The following MBNL2 variants were observed in gnomAD, a reference collection of about 807,000 sequenced individuals.
MBNL2 encodes the protein muscleblind-like protein 2.
In MBNL2, 17 loss-of-function variants were observed where a neutral mutation model predicts 41.9. The observed-to-expected ratio is 0.41, with a 90% CI of 0.28 to 0.61. The LOEUF (loss-of-function observed/expected upper bound fraction) is 0.61, where lower values mean the gene tolerates loss of function less well. Ranked by LOEUF, MBNL2 falls within the 20% of genes least tolerant of loss-of-function variation. The pLI is 0.35. For synonymous variants in MBNL2, 195 were observed against 182.9 expected (o/e 1.07, Z -0.53); for missense variants, 336 against 505.6 (o/e 0.66, Z 3.22).
At chr13:97,183,856 A>T in the MBNL2 span, among the ~76,000 whole-genome samples, 1 of 152,202 alleles carries the variant, frequency 6.6e-6, no homozygotes, top group African/African-American at 2.4e-5. Flanking sequence ...TTCCATAAAC[A>T]TGCTTCCAGG....
At position 97,346,764 on chromosome 13, in the gene MBNL2, A is replaced by C. The variant is rs760243211; in HGVS notation, c.541-40A>C. 1.2e-5 allele frequency: 19 copies of C among 1,591,986 alleles called. No individual in the cohort carries two copies. The highest frequency in any genetic ancestry group is 1.6e-5 in the Non-Finnish European group (19 of 1,166,464). On this transcript the variant is annotated intron_variant, in intron 4 of 8. Coordinates refer to ENST00000679496, the MANE Select transcript of MBNL2 (RefSeq NM_001382683.1). The surrounding 1 kb of genome is among the most constrained non-coding windows in gnomAD (Gnocchi z 4.2). Reference sequence around the variant, plus strand: ...CGGGGCCGCAGGGGCGCCTGGGCTCAGGCTTGCCTCTGCAGCGCGGCTCTT... The same window carrying C: ...CGGGGCCGCAGGGGCGCCTGGGCTCCGGCTTGCCTCTGCAGCGCGGCTCTT...
At chr13:97,377,267 C>T (rs1170642619) in intron 8 of MBNL2, among the ~76,000 whole-genome samples, 1 of 152,174 alleles carries the variant, frequency 6.6e-6, no homozygotes, top group African/African-American at 2.4e-5. Flanking sequence ...TTAGAACTTT[C>T]CAGAAGCTCC....
intron 2 of MBNL2, among the ~76,000 whole-genome samples, chr13:97,284,360 T>TCATG (rs906710005): frequency 6.6e-6 from 1 of 152,152 alleles, no homozygotes; most frequent in African/African-American, 2.4e-5. Context: ...GTTCCTTGGC[T>TCATG]CATGGCAGCA....
In MBNL2 at chr13:97,240,626, C is replaced by T. The variant is rs566339824; in HGVS notation, c.-605+18095C>T. Reference sequence around the variant, plus strand: ...TATCCCTCACAAAGATCCCATTGTTCTTTTAGCAAAATGCAAGAAGGCTTT... The same window carrying T: ...TATCCCTCACAAAGATCCCATTGTTTTTTTAGCAAAATGCAAGAAGGCTTT... On this transcript the variant is annotated intron_variant, in intron 1 of 8. Transcript: ENST00000679496. Among the ~76,000 whole-genome samples the T allele has an allele frequency of 1.2e-3, 179 of 152,238 alleles. 1 individual carries two copies. The highest frequency in any genetic ancestry group is 3.6e-3 in the African/African-American group (149 of 41,536).
intron 2 of MBNL2, among the ~76,000 whole-genome samples, chr13:97,304,609 T>G (rs1441190097): frequency 6.6e-6 from 1 of 152,196 alleles, no homozygotes; most frequent in East Asian, 1.9e-4. Flanking sequence ...ATCTGTCATT[T>G]ATAAGCCAGA....
chr13:97,288,171 A>T (rs1194051284), intron 2 of MBNL2, among the ~76,000 whole-genome samples: 8 of 148,630 alleles, frequency 5.4e-5, no homozygotes, highest in Admixed American at 4.7e-4. Context: ...TAAACGGGCA[A>T]CTCTGTCAGT....
At chr13:97,210,523 T>A in the MBNL2 span, among the ~76,000 whole-genome samples, 1 of 149,342 alleles carries the variant, frequency 6.7e-6, no homozygotes, top group Non-Finnish European at 1.5e-5. Flanking sequence ...ATATACAAAT[T>A]TTATAACTAT....
At chr13:97,249,706 T>C (rs2046153812) in intron 1 of MBNL2, among the ~76,000 whole-genome samples, 1 of 152,212 alleles carries the variant, frequency 6.6e-6, no homozygotes, top group Non-Finnish European at 1.5e-5. Flanking sequence ...AAGTGCGAGC[T>C]TTAGGAGCCG....
At chr13:97,270,869 T>A (rs574007550) in intron 1 of MBNL2, among the ~76,000 whole-genome samples, 1 of 152,180 alleles carries the variant, frequency 6.6e-6, no homozygotes, top group Non-Finnish European at 1.5e-5. Flanking sequence ...AGTGGCTCTC[T>A]CCCTTTTCCC....
intron 2 of MBNL2, among the ~76,000 whole-genome samples, chr13:97,328,911 A>G (rs1234574474): frequency 1.3e-5 from 2 of 152,226 alleles, no homozygotes; most frequent in Non-Finnish European, 2.9e-5. Context: ...ATAAGCCATT[A>G]GGAAATCTCA....
At chr13:97,272,483 T>C (rs1338637593) in intron 1 of MBNL2, among the ~76,000 whole-genome samples, 1 of 152,198 alleles carries the variant, frequency 6.6e-6, no homozygotes, top group Non-Finnish European at 1.5e-5. Context: ...ATTTTGGCTT[T>C]TGTTGCAATT....
intron 1 of MBNL2, among the ~76,000 whole-genome samples, chr13:97,235,208 CTCTG>C (rs146363153): frequency 1.4e-3 from 210 of 152,216 alleles, no homozygotes; most frequent in African/African-American, 4.9e-3. Flanking sequence ...CTATCACAAA[CTCTG>C]TCTTTTTTTT....
the MBNL2 span, among the ~76,000 whole-genome samples, chr13:97,165,875 C>T: frequency 6.6e-6 from 1 of 152,206 alleles, no homozygotes; most frequent in African/African-American, 2.4e-5. Flanking sequence ...TGCAGAATCT[C>T]CTCTGTATAT....
At chr13:97,242,291 C>G (rs530350330) in intron 1 of MBNL2, among the ~76,000 whole-genome samples, 2 of 152,268 alleles carry the variant, frequency 1.3e-5, no homozygotes, top group South Asian at 2.1e-4. Context: ...ATATGTTGCT[C>G]TCTTCATAGC....
At chr13:97,193,323 G>T in the MBNL2 span, among the ~76,000 whole-genome samples, 1 of 152,230 alleles carries the variant, frequency 6.6e-6, no homozygotes, top group Non-Finnish European at 1.5e-5. Context: ...AGTTGATGGG[G>T]CCCAAGGGCC....
At chr13:97,234,511 G>A (rs1381830243) in intron 1 of MBNL2, among the ~76,000 whole-genome samples, 2 of 152,128 alleles carry the variant, frequency 1.3e-5, no homozygotes, top group Non-Finnish European at 2.9e-5. Context: ...GCGGGGGGTA[G>A]TGAATAGATG....
chr13:97,270,130 C>T (rs1432129969), intron 1 of MBNL2, among the ~76,000 whole-genome samples: 2 of 152,108 alleles, frequency 1.3e-5, no homozygotes, highest in Non-Finnish European at 2.9e-5. Context: ...GTTCTTAGGA[C>T]TTTCTATCAC....
chr13:97,167,460 C>G, the MBNL2 span, among the ~76,000 whole-genome samples: 16 of 151,152 alleles, frequency 1.1e-4, no homozygotes, highest in African/African-American at 3.6e-4. Flanking sequence ...ATAGGAAAAC[C>G]TAGAAAGTAA....
chr13:97,181,805 C>T, the MBNL2 span, among the ~76,000 whole-genome samples: 1 of 152,160 alleles, frequency 6.6e-6, no homozygotes, highest in Non-Finnish European at 1.5e-5. Flanking sequence ...AATACAAAGC[C>T]ACCATGAAGA....
Sources: gnomAD v4.1 joint callset for allele counts (sites outside exome capture counted in the v4.1 genomes callset) on GRCh38, gnomAD v4.1.1 for gene constraint, Gnocchi (gnomAD v3.1) non-coding constraint, MANE v1.5 for transcripts, NCBI Gene and HGNC (gene_info 2026-07-23, HGNC 2026-07-21) for gene names.